CCDC102B: variants seen among roughly 807,000 people sequenced by gnomAD.
CCDC102B encodes coiled-coil domain containing 102B, also known as coiled-coil domain-containing protein 102B.
Under a neutral mutation model 57.4 loss-of-function variants are expected in CCDC102B, and 75 were observed. The ratio of observed to expected loss-of-function variants is 1.31; its 90% CI spans 1.08 to 1.58. The LOEUF is 1.58. Among genes scored for constraint, CCDC102B ranks in the 40% most tolerant of loss-of-function variants. The pLI, the probability that CCDC102B is intolerant of heterozygous loss-of-function variation, is 0.00. For missense variants in CCDC102B, 636 were observed against 582.6 expected, an observed-to-expected ratio of 1.09 and a Z score of -0.94; for synonymous variants, 206 against 201.9, an observed-to-expected ratio of 1.02 and a Z score of -0.17.
chr18:68,837,975 A>T (rs2037459504), intron 2 of CCDC102B, among the ~76,000 whole-genome samples: 1 of 152,212 alleles, frequency 6.6e-6, no homozygotes, highest in African/African-American at 2.4e-5. Flanking sequence ...CTACTTAAAA[A>T]ATAAAATAAA....
Position 69,054,256 on chromosome 18 carries a change from A to G in CCDC102B, c.*119A>G. 7.4e-7 allele frequency: 1 copy of G among 1,356,632 alleles called. No individual in the cohort carries two copies. The highest frequency in any genetic ancestry group is 9.4e-7 in the Non-Finnish European group (1 of 1,060,650). The allele number at this position is 1,356,632 out of a possible 1,614,324, so 84.0% of individuals were successfully genotyped here. A position where few individuals can be genotyped will look rare whatever the true frequency, so the allele number is the denominator to read the frequency against. Reference sequence around the variant, plus strand: ...AGAAATATTAATGAAAAAAACGTAGACAATACACAAATTAATGGGCTTCTT... The same window carrying G: ...AGAAATATTAATGAAAAAAACGTAGGCAATACACAAATTAATGGGCTTCTT... On this transcript the variant is annotated 3_prime_UTR_variant, in exon 8 of 8. Coordinates refer to ENST00000360242, the MANE Select transcript of CCDC102B (RefSeq NM_024781.3).
chr18:68,720,260 AATCACC>A (rs2032252716), intron 2 of CCDC102B, among the ~76,000 whole-genome samples: 1 of 152,226 alleles, frequency 6.6e-6, no homozygotes, highest in Non-Finnish European at 1.5e-5. Context: ...AACACTGATC[AATCACC>A]AAAACCTGCT....
At chr18:68,742,327 A>G (rs555916965) in intron 2 of CCDC102B, among the ~76,000 whole-genome samples, 3 of 152,092 alleles carry the variant, frequency 2.0e-5, no homozygotes, top group African/African-American at 7.2e-5. Context: ...CTATAAGAGC[A>G]CCAGTCATAT....
intron 2 of CCDC102B, chr18:68,754,052 T>C (rs1318442176): frequency 6.6e-6 from 1 of 152,188 alleles, no homozygotes; most frequent in African/African-American, 2.4e-5. Context: ...TTGATTGTAA[T>C]CAATCTATCA....
chr18:68,822,768 G>A (rs1432510266), intron 1 of CCDC102B, among the ~76,000 whole-genome samples: 1 of 152,116 alleles, frequency 6.6e-6, no homozygotes, highest in Non-Finnish European at 1.5e-5. Flanking sequence ...TAGGATTATG[G>A]CCTCCGGCTC....
intron 6 of CCDC102B, among the ~76,000 whole-genome samples, chr18:68,915,675 T>A (rs1282256354): frequency 6.6e-6 from 1 of 152,236 alleles, no homozygotes; most frequent in African/African-American, 2.4e-5. Context: ...ACAAAAGTCA[T>A]TGAGGTTTTT....
intron 6 of CCDC102B, among the ~76,000 whole-genome samples, chr18:68,969,483 T>G (rs2050246469): frequency 6.6e-6 from 1 of 151,694 alleles, no homozygotes; most frequent in African/African-American, 2.4e-5. Context: ...TTAATCTTTT[T>G]TTTTTTTTTC....
chr18:68,759,583 G>T (rs1208866102), intron 2 of CCDC102B, among the ~76,000 whole-genome samples: 1 of 152,086 alleles, frequency 6.6e-6, no homozygotes, highest in Non-Finnish European at 1.5e-5. Flanking sequence ...TTTGGGAGAT[G>T]ATGCTAAGTA....
intron 6 of CCDC102B, among the ~76,000 whole-genome samples, chr18:68,944,224 A>G (rs944069978): frequency 3.3e-5 from 5 of 152,132 alleles, no homozygotes; most frequent in African/African-American, 1.2e-4. Context: ...GCCAAGAGAA[A>G]GTCTTATTCC....
chr18:69,003,037 G>A (rs568700812), intron 6 of CCDC102B, among the ~76,000 whole-genome samples: 63 of 152,132 alleles, frequency 4.1e-4, no homozygotes, highest in Middle Eastern at 3.4e-3. Context: ...ACTTTCTAAC[G>A]GAAGTCTGTC....
intron 2 of CCDC102B, among the ~76,000 whole-genome samples, chr18:68,744,069 C>T (rs1361491958): frequency 6.6e-6 from 1 of 152,114 alleles, no homozygotes. Flanking sequence ...CTATATCCAA[C>T]ATATGGGACA....
chr18:68,983,061 G>T (rs1239998718), intron 6 of CCDC102B, among the ~76,000 whole-genome samples: 2 of 151,356 alleles, frequency 1.3e-5, no homozygotes, highest in Non-Finnish European at 3.0e-5. Flanking sequence ...AATTATTTGT[G>T]TTCATACTAT....
intron 4 of CCDC102B, among the ~76,000 whole-genome samples, chr18:68,874,024 A>T (rs2039335745): frequency 6.6e-6 from 1 of 151,908 alleles, no homozygotes; most frequent in African/African-American, 2.4e-5. Flanking sequence ...AATTTCAAGA[A>T]CAGCTGTGGG....
At chr18:68,717,163 G>A (rs368347806) in intron 2 of CCDC102B, among the ~76,000 whole-genome samples, 1 of 152,118 alleles carries the variant, frequency 6.6e-6, no homozygotes, top group South Asian at 2.1e-4. Flanking sequence ...AGGATAAGTT[G>A]GGCCAGGGAA....
At position 68,877,974 on chromosome 18, in the gene CCDC102B, T is replaced by C. The variant is rs2039515413; in HGVS notation, c.1053+3189T>C. On this transcript the variant is annotated intron_variant, in intron 5 of 7. Transcript: ENST00000360242. The stretch of plus-strand genomic sequence containing the variant: ...GGGAAGGATAAGGACAAAGCACATA[T>C]CAAAAAAGAGAGCCTTCTATTTTAA... Among the ~76,000 whole-genome samples the C allele has an allele frequency of 2.6e-5, 4 of 152,164 alleles. No individual in the cohort carries two copies. The South Asian group carries it at 8.3e-4, about 32-fold the overall frequency.
At chr18:68,813,996 A>G (rs929193265) in intron 1 of CCDC102B, among the ~76,000 whole-genome samples, 1 of 152,070 alleles carries the variant, frequency 6.6e-6, no homozygotes, top group Non-Finnish European at 1.5e-5. Context: ...GGTTAGTAAG[A>G]GAAGCCTAAA....
rs557000990 is a variant in CCDC102B at position 69,008,351 on chromosome 18, C to G, written c.1264-2583C>G. On this transcript the variant is annotated intron_variant, in intron 6 of 7. Coordinates refer to ENST00000360242, the MANE Select transcript of CCDC102B (RefSeq NM_024781.3). Reference sequence around the variant, plus strand: ...TGATGGTGCATAAACGACAGTGTTACTGTGAAGCGATTGAAGTGACAGGGC... The same window carrying G: ...TGATGGTGCATAAACGACAGTGTTAGTGTGAAGCGATTGAAGTGACAGGGC... Among the ~76,000 whole-genome samples, 6 of 152,284 alleles carry G rather than the reference C, an allele frequency of 3.9e-5. No individual in the cohort carries two copies. In the South Asian group the frequency reaches 1.2e-3, roughly 32 times the overall value.
intron 7 of CCDC102B, among the ~76,000 whole-genome samples, chr18:69,048,030 G>A (rs562689286): frequency 3.7e-4 from 56 of 152,102 alleles, no homozygotes; most frequent in Non-Finnish European, 7.4e-4. Flanking sequence ...AATAATACCT[G>A]TAAGTTAACT....
intron 4 of CCDC102B, among the ~76,000 whole-genome samples, chr18:68,868,111 G>A (rs1244342597): frequency 1.3e-5 from 2 of 151,358 alleles, no homozygotes; most frequent in Admixed American, 1.3e-4. Context: ...ATGCTTCCAA[G>A]TCCATATACC....
Sources: allele counts gnomAD v4.1 joint callset (sites outside exome capture counted in the v4.1 genomes callset), GRCh38; gene constraint gnomAD v4.1.1; transcripts MANE v1.5; gene names NCBI Gene and HGNC (gene_info 2026-07-23, HGNC 2026-07-21).